STOX2: variants seen among roughly 807,000 people sequenced by gnomAD.
The protein encoded by STOX2 is storkhead-box protein 2.
In STOX2, 28 loss-of-function variants were observed where a neutral mutation model predicts 60.9. The observed-to-expected ratio is 0.46, with a 90% CI of 0.34 to 0.63. The LOEUF is 0.63. Ranked by LOEUF, STOX2 falls within the 30% of genes least tolerant of loss-of-function variation. STOX2 has a pLI of 0.01. For missense variants in STOX2, 1,024 were observed against 1,187.7 expected (o/e 0.86, Z 2.03); for synonymous variants, 472 against 463.9 (o/e 1.02, Z -0.22).
intron 1 of STOX2, among the ~76,000 whole-genome samples, chr4:183,967,474 G>A (rs1432210144): frequency 6.6e-6 from 1 of 152,134 alleles, no homozygotes; most frequent in Non-Finnish European, 1.5e-5. Context: ...GCAAGAGGAA[G>A]AAAGGGGAAC....
At chr4:183,963,997 G>C (rs1318537074) in intron 1 of STOX2, among the ~76,000 whole-genome samples, 1 of 151,388 alleles carries the variant, frequency 6.6e-6, no homozygotes, top group African/African-American at 2.4e-5. Flanking sequence ...GGATGGTCTC[G>C]ATCTCCTGAC....
intron 1 of STOX2, among the ~76,000 whole-genome samples, chr4:183,940,253 T>G (rs1041006853): frequency 4.6e-5 from 7 of 152,170 alleles, no homozygotes; most frequent in African/African-American, 7.2e-5. Context: ...CTGATGTTGA[T>G]TCATGGTATC....
At chr4:183,908,471 T>C (rs1255568427) in intron 1 of STOX2, among the ~76,000 whole-genome samples, 1 of 152,190 alleles carries the variant, frequency 6.6e-6, no homozygotes, top group African/African-American at 2.4e-5. Flanking sequence ...CCCTTTCTTA[T>C]GCCTCCTAAG....
chr4:183,809,192 C>T (rs1738977643), intron 1 of STOX2, among the ~76,000 whole-genome samples: 2 of 152,112 alleles, frequency 1.3e-5, no homozygotes, highest in African/African-American at 2.4e-5. Context: ...AGAGATCCTT[C>T]CGCTTCAGCC....
chr4:183,864,006 T>A (rs542364698), intron 1 of STOX2, among the ~76,000 whole-genome samples: 1 of 152,206 alleles, frequency 6.6e-6, no homozygotes, highest in Non-Finnish European at 1.5e-5. Flanking sequence ...CAGCTCCATC[T>A]GTATTTCCTC....
In STOX2 at chr4:183,895,347, T is replaced by C. The variant is rs116393151; in HGVS notation, c.364+97292T>C. On this transcript the variant is annotated intron_variant, in intron 1 of 2. Coordinates refer to the STOX2 transcript ENST00000513034. The stretch of plus-strand genomic sequence containing the variant: ...ATACAATATTTGTTCCTTTATGATC[T>C]GAAGTCCACGGCCATTTGATGCCCC... 8.6e-3 allele frequency among the ~76,000 whole-genome samples: 1,307 copies of C among 152,338 alleles called. 24 individuals carry two copies. Among genetic ancestry groups the C allele is most frequent in the African/African-American group, 0.03 (1,231 of 41,570 alleles).
intron 1 of STOX2, among the ~76,000 whole-genome samples, chr4:183,880,233 C>T (rs35596258): frequency 0.28 from 42,386 of 152,050 alleles, 6,524 homozygotes; most frequent in South Asian, 0.35. Context: ...ATCCGCCCGC[C>T]TTGGCCTCCC....
chr4:183,954,493 T>A (rs1278011896), intron 1 of STOX2, among the ~76,000 whole-genome samples: 4 of 152,068 alleles, frequency 2.6e-5, no homozygotes, highest in Admixed American at 2.0e-4. Context: ...TTTCACCATG[T>A]TGGCCAGGCT....
intron 1 of STOX2, among the ~76,000 whole-genome samples, chr4:183,990,738 C>A (rs183752798): frequency 6.6e-6 from 1 of 151,898 alleles, no homozygotes; most frequent in Non-Finnish European, 1.5e-5. Flanking sequence ...GGTTCTTACC[C>A]TGAGACAGTG....
chr4:183,932,919 C>T (rs1248174056), intron 1 of STOX2, among the ~76,000 whole-genome samples: 2 of 152,124 alleles, frequency 1.3e-5, no homozygotes, highest in Non-Finnish European at 2.9e-5. Context: ...TTGCAGAATA[C>T]GACTTCAAAA....
chr4:183,983,865 G>A (rs1732745381), intron 1 of STOX2, among the ~76,000 whole-genome samples: 1 of 152,200 alleles, frequency 6.6e-6, no homozygotes, highest in Non-Finnish European at 1.5e-5. Context: ...GCTCACTGCA[G>A]CCTTGAACTC....
At chr4:183,958,797 AC>A (rs1291835207) in intron 1 of STOX2, among the ~76,000 whole-genome samples, 2 of 151,978 alleles carry the variant, frequency 1.3e-5, no homozygotes, top group Non-Finnish European at 2.9e-5. Flanking sequence ...AGTATCCCTC[AC>A]TGGCAATTAG....
At chr4:183,913,602 C>G (rs1156969191) in intron 1 of STOX2, among the ~76,000 whole-genome samples, 2 of 152,148 alleles carry the variant, frequency 1.3e-5, no homozygotes, top group Non-Finnish European at 2.9e-5. Context: ...GAAACCCCGT[C>G]TCTACTAAGA....
Position 184,018,530 on chromosome 4 carries a change from C to G in STOX2, c.*1246C>G, listed in dbSNP as rs1360176390. The G allele has an allele frequency of 6.6e-6, 1 of 152,164 alleles. No individual in the cohort carries two copies. Among genetic ancestry groups the G allele is most frequent in the Non-Finnish European group, 1.5e-5 (1 of 68,028 alleles). The allele number at this position is 152,164 out of a possible 1,614,324, so 9.4% of individuals were successfully genotyped here. Reference sequence around the variant, plus strand: ...CGGTATAATCCGAATTTGTACTCCCCTAAAATTTATCAGAATAACAATTAT... The same window carrying G: ...CGGTATAATCCGAATTTGTACTCCCGTAAAATTTATCAGAATAACAATTAT... On this transcript the variant is annotated 3_prime_UTR_variant, in exon 4 of 4. Transcript: ENST00000308497.
intron 1 of STOX2, among the ~76,000 whole-genome samples, chr4:183,872,336 G>A (rs528073295): frequency 5.3e-5 from 8 of 152,272 alleles, no homozygotes; most frequent in East Asian, 1.9e-4. Flanking sequence ...GATTACAGAC[G>A]TGAACCACTG....
At chr4:183,951,224 G>GAAA (rs70959161) in intron 1 of STOX2, among the ~76,000 whole-genome samples, 2 of 125,186 alleles carry the variant, frequency 1.6e-5, no homozygotes, top group African/African-American at 5.8e-5. Flanking sequence ...CAAAAAAAAA[G>GAAA]AAAAAAAAAA....
chr4:183,895,155 T>C (rs1270664466), intron 1 of STOX2, among the ~76,000 whole-genome samples: 1 of 152,174 alleles, frequency 6.6e-6, no homozygotes, highest in African/African-American at 2.4e-5. Flanking sequence ...TCGTGGACTG[T>C]CTCTGAGCCT....
At chr4:183,915,177 C>G (rs1212402901) in intron 1 of STOX2, among the ~76,000 whole-genome samples, 1 of 152,186 alleles carries the variant, frequency 6.6e-6, no homozygotes, top group Non-Finnish European at 1.5e-5. Context: ...TGCCTGTGGG[C>G]AGTCGGGGTA....
chr4:184,015,444 C>G (rs1734326218), intron 3 of STOX2: 1 of 152,128 alleles, frequency 6.6e-6, no homozygotes, highest in Non-Finnish European at 1.5e-5. Context: ...CTTGACTTCT[C>G]CCTATAAATG....
Sources: allele counts gnomAD v4.1 joint callset (sites outside exome capture counted in the v4.1 genomes callset), GRCh38; gene constraint gnomAD v4.1.1; transcripts MANE v1.5; gene names NCBI Gene and HGNC (gene_info 2026-07-23, HGNC 2026-07-21).